The following TENM2 variants were observed in gnomAD, a reference collection of about 807,000 sequenced individuals.
TENM2 encodes the protein teneurin transmembrane protein 2.
Under a neutral mutation model 245.2 loss-of-function variants are expected in TENM2, and 52 were observed. That is an observed-to-expected ratio of 0.21 (90% CI 0.17 to 0.27). TENM2 has a LOEUF of 0.27. TENM2 is among the 10% of genes least tolerant of loss of function. The pLI is 1.00. For missense variants in TENM2, 3,046 were observed against 3,666.8 expected, an observed-to-expected ratio of 0.83 and a Z score of 4.37; for synonymous variants, 1,363 against 1,438.9, an observed-to-expected ratio of 0.95 and a Z score of 1.19.
intron 3 of TENM2, among the ~76,000 whole-genome samples, chr5:167,943,489 G>A (rs1450190975): frequency 6.6e-6 from 1 of 152,158 alleles, no homozygotes; most frequent in Non-Finnish European, 1.5e-5. Flanking sequence ...ATTCCACTGT[G>A]AGGTTTGGCT....
intron 3 of TENM2, among the ~76,000 whole-genome samples, chr5:167,903,151 A>T (rs1048679696): frequency 6.6e-6 from 1 of 152,152 alleles, no homozygotes; most frequent in Non-Finnish European, 1.5e-5. Context: ...CATATATATA[A>T]AAGATGCCTT....
At chr5:167,630,247 T>C (rs942424119) in intron 2 of TENM2, among the ~76,000 whole-genome samples, 4 of 152,030 alleles carry the variant, frequency 2.6e-5, no homozygotes, top group African/African-American at 7.3e-5. Flanking sequence ...TCTTGTGCTT[T>C]GGGGCCATTA....
At chr5:167,214,917 T>A in the TENM2 span, among the ~76,000 whole-genome samples, 1 of 152,280 alleles carries the variant, frequency 6.6e-6, no homozygotes, top group Admixed American at 6.5e-5. Context: ...GTCATAAGTT[T>A]TTTTGCTTGC....
intron 2 of TENM2, among the ~76,000 whole-genome samples, chr5:167,566,329 C>T (rs917877049): frequency 1.3e-5 from 2 of 152,106 alleles, no homozygotes; most frequent in Non-Finnish European, 2.9e-5. Flanking sequence ...AGTGTACACC[C>T]TCCAGAATGT....
intron 2 of TENM2, among the ~76,000 whole-genome samples, chr5:167,745,686 C>T (rs192547100): frequency 6.6e-6 from 1 of 152,276 alleles, no homozygotes. Context: ...ACTCTACCCC[C>T]AGTCCTAGCC....
At chr5:167,510,664 G>A (rs1343464280) in intron 2 of TENM2, among the ~76,000 whole-genome samples, 1 of 151,828 alleles carries the variant, frequency 6.6e-6, no homozygotes, top group Non-Finnish European at 1.5e-5. Flanking sequence ...AAAGAGAAAG[G>A]AAAGGAAGAA....
intron 2 of TENM2, among the ~76,000 whole-genome samples, chr5:167,829,140 T>C (rs1768241654): frequency 6.6e-6 from 1 of 152,262 alleles, no homozygotes; most frequent in African/African-American, 2.4e-5. Flanking sequence ...GAAAATTAAC[T>C]GTCTGCCTAT....
the TENM2 span, among the ~76,000 whole-genome samples, chr5:167,231,368 T>C: frequency 6.6e-6 from 1 of 152,178 alleles, no homozygotes; most frequent in Non-Finnish European, 1.5e-5. Flanking sequence ...AAAATGCTGG[T>C]AGTGATATGG....
intron 2 of TENM2, among the ~76,000 whole-genome samples, chr5:167,537,553 G>A (rs994174368): frequency 3.3e-5 from 5 of 152,212 alleles, no homozygotes. Context: ...CTATCAGGAA[G>A]AGTACAGTTA....
At chr5:167,023,435 C>A in the TENM2 span, among the ~76,000 whole-genome samples, 993 of 152,242 alleles carry the variant, frequency 6.5e-3, 7 homozygotes, top group Non-Finnish European at 9.4e-3. Flanking sequence ...TGGACACAAA[C>A]CATCAGAGGG....
chr5:167,576,009 A>G (rs1023773972), intron 2 of TENM2, among the ~76,000 whole-genome samples: 6 of 152,172 alleles, frequency 3.9e-5, no homozygotes, highest in Non-Finnish European at 1.5e-5. Context: ...CAAGTGTTGA[A>G]GGGATGGGCC....
chr5:167,222,384 A>T, the TENM2 span, among the ~76,000 whole-genome samples: 1 of 152,186 alleles, frequency 6.6e-6, no homozygotes, highest in Non-Finnish European at 1.5e-5. Context: ...CTTTCTCTAA[A>T]ACTTAGCTCA....
At chr5:167,031,737 G>T in the TENM2 span, among the ~76,000 whole-genome samples, 1 of 152,082 alleles carries the variant, frequency 6.6e-6, no homozygotes, top group African/African-American at 2.4e-5. Flanking sequence ...GCTAATTTTT[G>T]TATTTTTAGT....
intron 2 of TENM2, among the ~76,000 whole-genome samples, chr5:167,846,034 C>G (rs1770010513): frequency 6.6e-6 from 1 of 152,202 alleles, no homozygotes; most frequent in South Asian, 2.1e-4. Flanking sequence ...ATCACCTTCT[C>G]TCTCCAGTTG....
chr5:167,701,715 A>G (rs925107349), intron 2 of TENM2, among the ~76,000 whole-genome samples: 1 of 152,194 alleles, frequency 6.6e-6, no homozygotes, highest in African/African-American at 2.4e-5. Context: ...CCTGATTCCT[A>G]GTTAGTGGAA....
intron 2 of TENM2, among the ~76,000 whole-genome samples, chr5:167,638,472 G>C (rs1433770779): frequency 6.6e-6 from 1 of 152,068 alleles, no homozygotes; most frequent in Non-Finnish European, 1.5e-5. Context: ...GAAAACTACT[G>C]GGCTGAGCTT....
intron 2 of TENM2, among the ~76,000 whole-genome samples, chr5:167,531,376 A>C (rs966472464): frequency 6.6e-6 from 1 of 152,100 alleles, no homozygotes; most frequent in Admixed American, 6.6e-5. Flanking sequence ...GTTATAATTA[A>C]CTAATTAAAA....
chr5:167,233,110 G>T, the TENM2 span, among the ~76,000 whole-genome samples: 1 of 152,174 alleles, frequency 6.6e-6, no homozygotes, highest in Non-Finnish European at 1.5e-5. Flanking sequence ...TCTGAGTTTC[G>T]TGGAGGGAGA....
chr5:167,007,101 G>C, the TENM2 span, among the ~76,000 whole-genome samples: 2 of 152,096 alleles, frequency 1.3e-5, no homozygotes, highest in Non-Finnish European at 2.9e-5. The surrounding 1 kb of genome is among the most constrained non-coding windows in gnomAD (Gnocchi z 4.2). Context: ...CCATTCTCCT[G>C]CTACTGATTG....
Sources: gnomAD v4.1 joint callset for allele counts (sites outside exome capture counted in the v4.1 genomes callset) on GRCh38, gnomAD v4.1.1 for gene constraint, Gnocchi (gnomAD v3.1) non-coding constraint, MANE v1.5 for transcripts, NCBI Gene and HGNC (gene_info 2026-07-23, HGNC 2026-07-21) for gene names.